HEXB: variants seen among roughly 807,000 people sequenced by gnomAD.
HEXB encodes the protein beta-hexosaminidase subunit beta.
Under a neutral mutation model 71.2 loss-of-function variants are expected in HEXB, and 51 were observed. The ratio of observed to expected loss-of-function variants is 0.72; its 90% CI spans 0.57 to 0.90. HEXB has a LOEUF of 0.90. Ranked by LOEUF, HEXB falls within the 40% of genes least tolerant of loss-of-function variation. The probability of loss-of-function intolerance (pLI) is 0.00; values close to 1 mark genes in which losing one functional copy is unlikely to be tolerated. For missense variants in HEXB, 617 were observed against 677.0 expected (o/e 0.91, Z 0.98); for synonymous variants, 266 against 249.3 (o/e 1.07, Z -0.63).
chr5:74,671,842 A>G (rs1024161976), intron 1 of HEXB, among the ~76,000 whole-genome samples: 4 of 152,158 alleles, frequency 2.6e-5, no homozygotes, highest in African/African-American at 9.7e-5. Flanking sequence ...CCCAGGTCCC[A>G]TGATACCTGA....
intron 1 of HEXB, among the ~76,000 whole-genome samples, chr5:74,663,283 CA>C (rs1331365763): frequency 6.6e-6 from 1 of 152,124 alleles, no homozygotes; most frequent in African/African-American, 2.4e-5. Context: ...CTCCACCTCC[CA>C]AGCTCAAATG....
intron 6 of HEXB, among the ~76,000 whole-genome samples, chr5:74,706,436 CAGTG>C (rs1007326702): frequency 1.1e-4 from 17 of 152,228 alleles, no homozygotes; most frequent in African/African-American, 3.9e-4. Flanking sequence ...GAGTGCCAGA[CAGTG>C]GGCGCAGGAC....
At chr5:74,669,904 C>A (rs975573895) in intron 1 of HEXB, among the ~76,000 whole-genome samples, 2 of 152,042 alleles carry the variant, frequency 1.3e-5, no homozygotes, top group Non-Finnish European at 2.9e-5. Context: ...GCCAGGAGCC[C>A]CAGGTTAACA....
chr5:74,655,226 G>T (rs749661529), intron 1 of HEXB, among the ~76,000 whole-genome samples: 1 of 152,080 alleles, frequency 6.6e-6, no homozygotes, highest in African/African-American at 2.4e-5. Context: ...GCACTAAAAA[G>T]GGCAGCGATA....
intron 5 of HEXB, among the ~76,000 whole-genome samples, chr5:74,700,001 CTTTTTTTTTT>C (rs58177670): frequency 2.5e-5 from 1 of 40,366 alleles, no homozygotes; most frequent in East Asian, 7.5e-4. Context: ...TGTAAGTTTC[CTTTTTTTTTT>C]TTTTTTTTTT....
intron 1 of HEXB, among the ~76,000 whole-genome samples, chr5:74,677,490 CTT>C (rs566302720): frequency 1.8e-3 from 140 of 77,264 alleles, no homozygotes; most frequent in African/African-American, 5.0e-3. Flanking sequence ...TCTTCTTCTT[CTT>C]TTTTTTTTTT....
At chr5:74,703,726 T>C (rs1256073523) in intron 5 of HEXB, among the ~76,000 whole-genome samples, 1 of 152,052 alleles carries the variant, frequency 6.6e-6, no homozygotes, top group Non-Finnish European at 1.5e-5. Context: ...AGTGCAGAGG[T>C]ATGAGCTCAG....
chr5:74,661,545 GTGTGTGTGTGTGTGTGTGTCTC>G (rs1305513399), intron 1 of HEXB, among the ~76,000 whole-genome samples: 2 of 87,788 alleles, frequency 2.3e-5, no homozygotes, highest in African/African-American at 1.3e-4. Context: ...GTGTGTGTGT[GTGTGTGTGTGTGTGTGTGTCTC>G]TCTCTCTCTC....
At chr5:74,655,872 GATA>G (rs1342493373) in intron 1 of HEXB, among the ~76,000 whole-genome samples, 1 of 152,146 alleles carries the variant, frequency 6.6e-6, no homozygotes, top group African/African-American at 2.4e-5. Flanking sequence ...ACATGCCTGA[GATA>G]ATACAGCTGT....
At chr5:74,650,587 C>A (rs939930472) in intron 1 of HEXB, among the ~76,000 whole-genome samples, 1 of 151,976 alleles carries the variant, frequency 6.6e-6, no homozygotes, top group African/African-American at 2.4e-5. Flanking sequence ...AGTGTGCCTC[C>A]ATGTGTAGTT....
upstream of HEXB, among the ~76,000 whole-genome samples, chr5:74,684,023 G>T (rs374219800): frequency 6.6e-6 from 1 of 151,928 alleles, no homozygotes. Flanking sequence ...GTTTCACTTT[G>T]GTGGCCAGGC....
intron 3 of HEXB, among the ~76,000 whole-genome samples, chr5:74,695,201 CTTTTTTTTT>C (rs35812692): frequency 2.6e-5 from 3 of 114,462 alleles, no homozygotes; most frequent in Non-Finnish European, 3.6e-5. Context: ...AGAAGAGACG[CTTTTTTTTT>C]TTTTTTTTTT....
intron 5 of HEXB, among the ~76,000 whole-genome samples, chr5:74,698,603 G>C (rs1407780583): frequency 1.4e-5 from 2 of 146,624 alleles, no homozygotes; most frequent in Non-Finnish European, 3.0e-5. Flanking sequence ...TGTTAGCCAG[G>C]ATGTTCTCAA....
intron 9 of HEXB, among the ~76,000 whole-genome samples, chr5:74,717,511 A>G (rs1271122143): frequency 6.8e-6 from 1 of 147,308 alleles, no homozygotes; most frequent in Non-Finnish European, 1.5e-5. Context: ...TTTCCATCCC[A>G]GGAAGTTCTA....
chr5:74,697,809 T>TA (rs1263362990), intron 5 of HEXB, among the ~76,000 whole-genome samples: 1 of 151,894 alleles, frequency 6.6e-6, no homozygotes, highest in African/African-American at 2.4e-5. Context: ...GACCACCTCT[T>TA]ACTTTTTTTG....
intron 1 of HEXB, among the ~76,000 whole-genome samples, chr5:74,647,867 A>T (rs941622317): frequency 2.6e-5 from 4 of 152,250 alleles, no homozygotes; most frequent in African/African-American, 9.6e-5. Context: ...ATTTACAGGC[A>T]TCGTGCTAAG....
chr5:74,655,669 T>C (rs1748205603), intron 1 of HEXB, among the ~76,000 whole-genome samples: 1 of 152,166 alleles, frequency 6.6e-6, no homozygotes, highest in Admixed American at 6.5e-5. Context: ...TCTTGAATTT[T>C]CTCCACATAT....
At chr5:74,717,630 AT>A (rs1027641332) in intron 9 of HEXB, among the ~76,000 whole-genome samples, 12 of 151,094 alleles carry the variant, frequency 7.9e-5, no homozygotes, top group East Asian at 5.8e-4. Context: ...ACCACATACA[AT>A]TTTTTTTTAA....
In HEXB at chr5:74,718,928, A is replaced by G. The variant is rs200714672; in HGVS notation, c.1374A>G (p.Gln458=). ...ACTTAGATTTGATTAGCTATGGACAAGATTGGAGGAAATACTATAAAGTGG... is the reference window on the plus strand; with the variant it reads ...ACTTAGATTTGATTAGCTATGGACAGGATTGGAGGAAATACTATAAAGTGG... ...PWYLDLISYG[Q]DWRKYYKVEP... Residue 458 remains glutamine, a synonymous_variant, in exon 11 of 14, where the codon CAA becomes CAG. Coordinates refer to ENST00000261416, the MANE Select transcript of HEXB (RefSeq NM_000521.4). 2.7e-5 allele frequency: 43 copies of G among 1,614,052 alleles called. No homozygotes were observed. Among genetic ancestry groups the G allele is most frequent in the Admixed American group, 8.3e-5 (5 of 59,998 alleles).
Sources: allele counts gnomAD v4.1 joint callset (sites outside exome capture counted in the v4.1 genomes callset), GRCh38; gene constraint gnomAD v4.1.1; transcripts MANE v1.5; gene names NCBI Gene and HGNC (gene_info 2026-07-23, HGNC 2026-07-21).